Variants in STRN observed in about 807,000 individuals in gnomAD.
STRN encodes the protein striatin.
Under a neutral mutation model 96.3 loss-of-function variants are expected in STRN, and 53 were observed. The observed-to-expected ratio is 0.55, with a 90% confidence interval of 0.44 to 0.69. The LOEUF (loss-of-function observed/expected upper bound fraction) is 0.69, where lower values mean the gene tolerates loss of function less well. Among genes scored for constraint, STRN ranks in the 30% least tolerant of loss-of-function variants. The probability of loss-of-function intolerance (pLI) is 0.00; values close to 1 mark genes in which losing one functional copy is unlikely to be tolerated. For synonymous variants in STRN, 428 were observed against 355.9 expected, an observed-to-expected ratio of 1.20 and a Z score of -2.28; for missense variants, 987 against 963.9, an observed-to-expected ratio of 1.02 and a Z score of -0.32.
intron 1 of STRN, among the ~76,000 whole-genome samples, chr2:36,958,887 A>C (rs1249716084): frequency 6.6e-6 from 1 of 152,214 alleles, no homozygotes; most frequent in Non-Finnish European, 1.5e-5. Flanking sequence ...TGGGAGGCTG[A>C]GGCGGGCGGA....
chr2:36,894,370 G>T (rs1669485047), intron 6 of STRN, among the ~76,000 whole-genome samples: 1 of 152,106 alleles, frequency 6.6e-6, no homozygotes, highest in South Asian at 2.1e-4. Context: ...TTCTCTAGTA[G>T]CTCTCCATGT....
chr2:36,916,742 T>C (rs1488972974), intron 2 of STRN, among the ~76,000 whole-genome samples: 1 of 152,180 alleles, frequency 6.6e-6, no homozygotes, highest in African/African-American at 2.4e-5. Context: ...CCCTTGTCTT[T>C]TGCTCAAAAA....
chr2:36,957,752 T>G (rs1276964299), intron 1 of STRN, among the ~76,000 whole-genome samples: 3 of 81,838 alleles, frequency 3.7e-5, no homozygotes, highest in African/African-American at 1.9e-4. Flanking sequence ...GTCTTTTTTT[T>G]TTTTTTTTTT....
At chr2:36,904,961 C>A (rs1042377049) in intron 4 of STRN, among the ~76,000 whole-genome samples, 36 of 143,376 alleles carry the variant, frequency 2.5e-4, no homozygotes, top group Non-Finnish European at 4.3e-4. Context: ...ATGTAAACAC[C>A]AATTGCACTT....
At chr2:36,956,785 A>T in intron 1 of STRN, among the ~76,000 whole-genome samples, 1 of 152,370 alleles carries the variant, frequency 6.6e-6, no homozygotes. Flanking sequence ...ATCTCTTGAT[A>T]AAGAAGTGCT....
chr2:36,945,310 G>A (rs1021794379), intron 1 of STRN, among the ~76,000 whole-genome samples: 32 of 152,190 alleles, frequency 2.1e-4, no homozygotes, highest in Non-Finnish European at 4.0e-4. Flanking sequence ...CTAACTAGGA[G>A]AACTTAATTC....
At chr2:36,902,331 CTGAT>C (rs1251823254) in intron 5 of STRN, among the ~76,000 whole-genome samples, 5 of 152,054 alleles carry the variant, frequency 3.3e-5, no homozygotes, top group African/African-American at 7.2e-5. Context: ...GTTTTATTTA[CTGAT>C]TAAGTCAATA....
chr2:36,896,210 A>T (rs907316139), intron 6 of STRN, among the ~76,000 whole-genome samples: 1 of 152,214 alleles, frequency 6.6e-6, no homozygotes, highest in Non-Finnish European at 1.5e-5. Flanking sequence ...TCAACATTAA[A>T]TATTAGGTAT....
chr2:36,963,254 C>T (rs1665072482), intron 1 of STRN, among the ~76,000 whole-genome samples: 2 of 152,174 alleles, frequency 1.3e-5, no homozygotes, highest in Admixed American at 1.3e-4. Context: ...CACAAGTCTT[C>T]CCTGGCAACC....
rs146206571 is a variant in STRN, at chr2:36,930,365, G to C, written c.235-5157C>G. On this transcript the variant is annotated intron_variant, in intron 1 of 17. Transcript: ENST00000263918. ...GAAAATTGCTTGAACCTGGGAGGTG[G>C]AAGTTGCAGTGAGCCAAGATCATGC... Among the ~76,000 whole-genome samples, 792 of 151,754 alleles carry C rather than the reference G, an allele frequency of 5.2e-3. 6 individuals are homozygous for C. The highest frequency in any genetic ancestry group is 0.018 in the African/African-American group (736 of 41,334).
chr2:36,917,599 T>C (rs865880297), intron 2 of STRN, among the ~76,000 whole-genome samples: 1 of 149,802 alleles, frequency 6.7e-6, no homozygotes, highest in Non-Finnish European at 1.5e-5. Context: ...TTTGCTCAAA[T>C]GTGTAAAATA....
chr2:36,849,478 G>A lies in STRN; in HGVS notation c.2321C>T (p.Ala774Val). 1.2e-6 allele frequency: 2 copies of A among 1,614,104 alleles called. No homozygotes were observed. The highest frequency in any genetic ancestry group is 1.7e-6 in the Non-Finnish European group (2 of 1,179,986). The change falls in exon 18 of 18, where the codon GCA becomes GTA. Residue 774 changes from alanine to valine, a missense_variant. Ala to Val is a moderately conservative substitution (Grantham distance 64). Transcript: ENST00000263918. ...GCGTCATACAAAGACTTTAGCCAGT[G>A]CGTCAGCTCCAGCACTGGCTATATA... ...KCYIASAGADALAKVFV is the reference protein window; with the variant it reads ...KCYIASAGADVLAKVFV
chr2:36,858,215 A>C (rs1373242830), intron 13 of STRN, among the ~76,000 whole-genome samples, 192 bp from the exon 14 acceptor site: 1 of 152,208 alleles, frequency 6.6e-6, no homozygotes, highest in African/African-American at 2.4e-5. Flanking sequence ...TAAAGTTAAA[A>C]AATTTTAAAT....
intron 5 of STRN, among the ~76,000 whole-genome samples, chr2:36,899,925 T>C (rs1394266582): frequency 6.6e-6 from 1 of 152,208 alleles, no homozygotes; most frequent in Admixed American, 6.5e-5. Flanking sequence ...CTCCGGGCTC[T>C]GTCACCCACG....
chr2:36,880,049 G>A (rs554873787), intron 9 of STRN, among the ~76,000 whole-genome samples: 4 of 151,866 alleles, frequency 2.6e-5, no homozygotes, highest in South Asian at 2.1e-4. Flanking sequence ...TCACTGCAAC[G>A]TACACCTCCC....
At chr2:36,907,716 T>C (rs1390701708) in intron 3 of STRN, among the ~76,000 whole-genome samples, 1 of 152,124 alleles carries the variant, frequency 6.6e-6, no homozygotes, top group Admixed American at 6.5e-5. Context: ...AGAAACACAA[T>C]TGTAAGTGTT....
intron 1 of STRN, among the ~76,000 whole-genome samples, chr2:36,951,820 T>C (rs1045176957): frequency 2.6e-5 from 4 of 152,176 alleles, no homozygotes; most frequent in Admixed American, 6.5e-5. Flanking sequence ...CTGACCGATA[T>C]GGGTCCATGG....
At chr2:36,866,206 C>G (rs558026038) in intron 12 of STRN, among the ~76,000 whole-genome samples, 2 of 152,090 alleles carry the variant, frequency 1.3e-5, no homozygotes, top group South Asian at 4.1e-4. Flanking sequence ...CCCTAAGCAG[C>G]TGAGACTACA....
intron 4 of STRN, among the ~76,000 whole-genome samples, chr2:36,904,032 G>A (rs1014394029): frequency 1.3e-5 from 2 of 152,128 alleles, no homozygotes; most frequent in Non-Finnish European, 2.9e-5. Flanking sequence ...TTACTCAGAA[G>A]AGTTGATTAT....
Sources: allele counts gnomAD v4.1 joint callset (sites outside exome capture counted in the v4.1 genomes callset), GRCh38; gene constraint gnomAD v4.1.1; transcripts MANE v1.5; gene names NCBI Gene and HGNC (gene_info 2026-07-23, HGNC 2026-07-21).